MICAL3: variants seen among roughly 807,000 people sequenced by gnomAD.
The protein encoded by MICAL3 is microtubule associated monooxygenase, calponin and LIM domain containing 3.
Under a neutral mutation model 207.4 loss-of-function variants are expected in MICAL3, and 62 were observed. The ratio of observed to expected loss-of-function variants is 0.30; its 90% CI spans 0.24 to 0.37. MICAL3 has a LOEUF of 0.37. MICAL3 is among the 10% of genes least tolerant of loss of function. The pLI is 1.00. For missense variants in MICAL3, 2,368 were observed against 2,635.6 expected (o/e 0.90, Z 2.22); for synonymous variants, 1,077 against 1,069.3 (o/e 1.01, Z -0.14).
At chr22:17,920,217 T>G (rs1310828122) in intron 1 of MICAL3, among the ~76,000 whole-genome samples, 1 of 152,220 alleles carries the variant, frequency 6.6e-6, no homozygotes, top group Non-Finnish European at 1.5e-5. Flanking sequence ...AAGCATATTT[T>G]CTGCAAGTCC....
At position 18,016,872 on chromosome 22, in the gene MICAL3, G is replaced by A. The variant is rs919990420; in HGVS notation, c.-75+7409C>T. Among the ~76,000 whole-genome samples the A allele has an allele frequency of 2.6e-5, 4 of 151,932 alleles. No individual in the cohort carries two copies. In the East Asian group the frequency reaches 5.8e-4, roughly 22 times the overall value. ...GGAGAATGGCGTGAACCCGGGAGGCGGAGCTCGCAGTGAACCAAGATTGCT... is the reference window on the plus strand; with the variant it reads ...GGAGAATGGCGTGAACCCGGGAGGCAGAGCTCGCAGTGAACCAAGATTGCT... On this transcript the variant is annotated intron_variant, in intron 1 of 31. Transcript: ENST00000441493.
intron 1 of MICAL3, among the ~76,000 whole-genome samples, chr22:17,977,694 C>G (rs1263123901): frequency 6.6e-6 from 1 of 152,118 alleles, no homozygotes; most frequent in Admixed American, 6.6e-5. Context: ...TATGACCCAG[C>G]AATTTCACTC....
At chr22:17,898,407 C>A (rs1404646359) in intron 7 of MICAL3, among the ~76,000 whole-genome samples, 1 of 152,252 alleles carries the variant, frequency 6.6e-6, no homozygotes, top group Non-Finnish European at 1.5e-5. Context: ...TGAAAGCACA[C>A]AGGGTGGCTG....
intron 1 of MICAL3, among the ~76,000 whole-genome samples, chr22:18,013,504 G>T (rs1279332904): frequency 1.3e-5 from 2 of 152,120 alleles, no homozygotes; most frequent in African/African-American, 4.8e-5. Context: ...TCTGATGTGG[G>T]GTCATGACAA....
chr22:17,855,028 A>G (rs965653681), intron 19 of MICAL3, among the ~76,000 whole-genome samples: 9 of 152,200 alleles, frequency 5.9e-5, no homozygotes, highest in Admixed American at 5.9e-4. Flanking sequence ...GAGAGCTCTG[A>G]GTGCCCCTGC....
intron 1 of MICAL3, among the ~76,000 whole-genome samples, chr22:17,950,428 C>G (rs188686379): frequency 6.6e-6 from 1 of 151,354 alleles, no homozygotes; most frequent in Admixed American, 6.6e-5. Flanking sequence ...CAACCTCCGC[C>G]TCCTGGGTTC....
intron 1 of MICAL3, among the ~76,000 whole-genome samples, chr22:17,953,080 T>C (rs1192721867): frequency 6.6e-6 from 1 of 152,172 alleles, no homozygotes; most frequent in East Asian, 1.9e-4. Flanking sequence ...GCATAAGGTG[T>C]GCACAGCCAC....
chr22:17,962,960 C>G (rs1934979536), intron 1 of MICAL3, among the ~76,000 whole-genome samples: 1 of 152,020 alleles, frequency 6.6e-6, no homozygotes, highest in Non-Finnish European at 1.5e-5. Context: ...ACTATGTTGC[C>G]CAGGCAGTCA....
chr22:17,884,270 T>C, intron 16 of MICAL3: 2 of 1,587,446 alleles, frequency 1.3e-6, no homozygotes, highest in Non-Finnish European at 1.7e-6. Flanking sequence ...TGGCAGTTCC[T>C]TTACCTGTTT....
rs1229485234 is a variant in MICAL3, at chr22:17,865,928, C to T, written c.2513G>A (p.Gly838Glu). 1 of 1,612,638 alleles carries T rather than the reference C, an allele frequency of 6.2e-7. No homozygotes were observed. The highest frequency in any genetic ancestry group is 8.5e-7 in the Non-Finnish European group (1 of 1,178,726). ...RKRPAVAPLS[G>E]KEAKGPLQDG... The stretch of plus-strand genomic sequence containing the variant: ...TTACAGGAGAGTCACCATTACCTTT[C>T]CAGACAGGGGAGCCACTGCCGGTCT... The change falls in exon 18 of 32, where the codon GGA (glycine) becomes GAA (glutamate). Residue 838 changes from glycine to glutamate, a missense_variant. This residue lies in a region of MICAL3 where 1,770 missense variants were observed against 1,863.2 expected (regional missense o/e 0.95). Coordinates refer to ENST00000441493, the MANE Select transcript of MICAL3 (RefSeq NM_015241.3).
At chr22:17,794,222 C>A (rs573146673) in intron 29 of MICAL3, among the ~76,000 whole-genome samples, 34 of 152,338 alleles carry the variant, frequency 2.2e-4, no homozygotes, top group African/African-American at 7.7e-4. Flanking sequence ...GGTTGTCATA[C>A]CGGGGCCTTT....
At chr22:17,887,008 AAAAAAAAAGAAAAT>A (rs1929968190) in intron 15 of MICAL3, among the ~76,000 whole-genome samples, 148 bp downstream of exon 15, 2 of 148,774 alleles carry the variant, frequency 1.3e-5, no homozygotes, top group African/African-American at 2.5e-5. Flanking sequence ...AAAAAAAAAA[AAAAAAAAAGAAAAT>A]AAAAAAAAGA....
At chr22:17,879,449 T>A (rs528321092) in intron 16 of MICAL3, 1 of 1,525,542 alleles carries the variant, frequency 6.6e-7, no homozygotes, top group Non-Finnish European at 8.9e-7. Flanking sequence ...TATCGCTCTA[T>A]TTGGACCTAC....
intron 19 of MICAL3, among the ~76,000 whole-genome samples, chr22:17,843,055 A>G (rs938475657): frequency 7.1e-6 from 1 of 140,514 alleles, no homozygotes; most frequent in Non-Finnish European, 1.5e-5. Flanking sequence ...TGGGAGGCGG[A>G]GCTTGCAGTG....
chr22:17,858,509 C>G (rs1391396288), intron 19 of MICAL3: 2 of 984,030 alleles, frequency 2.0e-6, no homozygotes, highest in African/African-American at 3.5e-5. Context: ...TTCAGAGCTC[C>G]ACATGGGTGT....
At chr22:17,852,073 G>A (rs754484176) in intron 19 of MICAL3, among the ~76,000 whole-genome samples, 1 of 152,130 alleles carries the variant, frequency 6.6e-6, no homozygotes, top group Non-Finnish European at 1.5e-5. Flanking sequence ...CAGCTCTGAT[G>A]TGACCCTCCT....
chr22:17,897,722 G>C (rs1390365577), intron 7 of MICAL3, among the ~76,000 whole-genome samples: 1 of 152,178 alleles, frequency 6.6e-6, no homozygotes, highest in Non-Finnish European at 1.5e-5. Context: ...ACTCAAAAAA[G>C]CTTGAGTGCC....
At chr22:17,881,360 A>G in intron 16 of MICAL3, 1 of 1,427,418 alleles carries the variant, frequency 7.0e-7, no homozygotes. Context: ...GGCCATGTGG[A>G]AGCTGGTTCT....
At position 17,965,115 on chromosome 22, in the gene MICAL3, CCTTCCCCTT is replaced by C. The variant is rs1220254228; in HGVS notation, c.-74-58238_-74-58230del. 7.9e-5 allele frequency among the ~76,000 whole-genome samples: 12 copies of C among 151,672 alleles called. No individual in the cohort carries two copies. In the South Asian group the frequency reaches 2.1e-3, roughly 26 times the overall value. ...ATGCATCCGCTGCTCTCCTTTCCCT[CCTTCCCCTT>C]CTATTTAAAAAGAAGAGAGTTTGAG... On this transcript the variant is annotated intron_variant, in intron 1 of 31. Coordinates refer to ENST00000441493, the MANE Select transcript of MICAL3 (RefSeq NM_015241.3).
Sources: allele counts gnomAD v4.1 joint callset (sites outside exome capture counted in the v4.1 genomes callset), GRCh38; gene constraint gnomAD v4.1.1; regional missense constraint gnomAD v4.1.1; transcripts MANE v1.5; gene names NCBI Gene and HGNC (gene_info 2026-07-23, HGNC 2026-07-21).